CDC123: variants seen among roughly 807,000 people sequenced by gnomAD.
CDC123 encodes the protein translation initiation factor eIF2 assembly protein.
A neutral mutation model predicts 54.4 loss-of-function variants in CDC123; 37 were observed. The observed-to-expected ratio is 0.68, with a 90% CI of 0.52 to 0.89. CDC123 has a LOEUF of 0.89. Ranked by LOEUF, CDC123 falls within the 40% of genes least tolerant of loss-of-function variation. The pLI is 0.00. For missense variants in CDC123, 361 were observed against 412.1 expected (o/e 0.88, Z 1.07); for synonymous variants, 144 against 136.8 (o/e 1.05, Z -0.37).
chr10:12,211,598 G>A (rs12221133), intron 4 of CDC123, among the ~76,000 whole-genome samples: 37,600 of 152,072 alleles, frequency 0.25, 5,000 homozygotes, highest in East Asian at 0.53. Flanking sequence ...CACTAAACTA[G>A]ATTCCGTGAG....
At chr10:12,206,961 A>G (rs1011534805) in intron 2 of CDC123, among the ~76,000 whole-genome samples, 2 of 149,098 alleles carry the variant, frequency 1.3e-5, no homozygotes, top group African/African-American at 2.4e-5. Flanking sequence ...TCCATCTCAA[A>G]AAAAAAAAAA....
intron 12 of CDC123, chr10:12,250,073 G>T (rs1448148782): frequency 5.5e-5 from 26 of 476,744 alleles, no homozygotes; most frequent in African/African-American, 2.0e-5. Context: ...ATATTTTTGT[G>T]TGGATTTCTG....
chr10:12,210,448 G>A (rs1318483704), intron 4 of CDC123, 126 bp downstream of exon 4: 5 of 1,142,482 alleles, frequency 4.4e-6, no homozygotes, highest in South Asian at 1.9e-5. Context: ...TATTTTCCCT[G>A]TGGGCTGTCG....
intron 4 of CDC123, among the ~76,000 whole-genome samples, chr10:12,211,646 G>A (rs1312538727): frequency 1.3e-5 from 2 of 152,208 alleles, no homozygotes; most frequent in Non-Finnish European, 2.9e-5. Context: ...TCCACCATTA[G>A]GGGTTTGTAA....
chr10:12,237,477 C>A, intron 9 of CDC123: 2 of 303,106 alleles, frequency 6.6e-6, no homozygotes, highest in Non-Finnish European at 1.1e-5. Flanking sequence ...CTCTGTCAGC[C>A]AGGCTGGAGT....
At chr10:12,218,406 A>C (rs567178345) in intron 6 of CDC123, among the ~76,000 whole-genome samples, 1 of 151,724 alleles carries the variant, frequency 6.6e-6, no homozygotes, top group East Asian at 2.0e-4. Context: ...CACCCGGCTA[A>C]TTTTTTATAT....
intron 3 of CDC123, 127 bp downstream of exon 3, chr10:12,210,151 G>T: frequency 6.9e-7 from 1 of 1,438,948 alleles, no homozygotes; most frequent in South Asian, 1.2e-5. Context: ...ATCTTACTTT[G>T]ACATATATTT....
At chr10:12,207,088 T>G (rs1422991667) in intron 2 of CDC123, among the ~76,000 whole-genome samples, 1 of 152,204 alleles carries the variant, frequency 6.6e-6, no homozygotes, top group African/African-American at 2.4e-5. Context: ...ATTTTCCTGT[T>G]TCAGGATATT....
At chr10:12,233,875 TTATATC>T (rs929719464) in intron 7 of CDC123, among the ~76,000 whole-genome samples, 1 of 151,910 alleles carries the variant, frequency 6.6e-6, no homozygotes, top group Non-Finnish European at 1.5e-5. Flanking sequence ...ATATGAGAGT[TTATATC>T]TATTAAATAA....
rs762670290 is a variant in CDC123, at chr10:12,215,726, TTC to T, written c.238-6_238-5del. On this transcript the variant is annotated splice_polypyrimidine_tract_variant and intron_variant, in intron 4 of 12. Transcript: ENST00000281141. ...TGATATTGACGTGCCCAATGATTTCTTCTCTCTCTGTAGGCACCAGAATTTCC... is the reference window on the plus strand; with the variant it reads ...TGATATTGACGTGCCCAATGATTTCTTCTCTCTGTAGGCACCAGAATTTCC... The T allele has an allele frequency of 6.5e-6, 10 of 1,550,226 alleles. No individual in the cohort carries two copies. Among genetic ancestry groups the T allele is most frequent in the Middle Eastern group, 3.4e-4 (2 of 5,920 alleles).
intron 2 of CDC123, among the ~76,000 whole-genome samples, chr10:12,202,884 G>A (rs538844972): frequency 9.2e-5 from 14 of 152,206 alleles, no homozygotes; most frequent in African/African-American, 3.1e-4. Flanking sequence ...ACGTGGTGGC[G>A]CACTCCTGTA....
intron 6 of CDC123, among the ~76,000 whole-genome samples, chr10:12,227,243 G>A (rs973052890): frequency 1.3e-4 from 20 of 149,058 alleles, no homozygotes; most frequent in South Asian, 2.2e-4. Flanking sequence ...GAGGGAGACC[G>A]TGGAGAGAGA....
chr10:12,204,992 C>CACA (rs1491284091), intron 2 of CDC123, among the ~76,000 whole-genome samples: 7 of 64,480 alleles, frequency 1.1e-4, no homozygotes, highest in Non-Finnish European at 1.6e-4. Context: ...GACTCCATAT[C>CACA]AAAAAAAAAA....
intron 6 of CDC123, among the ~76,000 whole-genome samples, chr10:12,222,602 A>G (rs1223914039): frequency 6.6e-6 from 1 of 152,260 alleles, no homozygotes; most frequent in Non-Finnish European, 1.5e-5. Context: ...CAGTGGGCTG[A>G]GTAGACAAGA....
At chr10:12,219,085 G>A (rs990808587) in intron 6 of CDC123, among the ~76,000 whole-genome samples, 3 of 152,154 alleles carry the variant, frequency 2.0e-5, no homozygotes, top group Non-Finnish European at 2.9e-5. Flanking sequence ...CTGCCAGTTC[G>A]TTCCATGTCA....
intron 10 of CDC123, among the ~76,000 whole-genome samples, chr10:12,243,116 G>C (rs1029541497): frequency 7.4e-5 from 9 of 121,610 alleles, no homozygotes; most frequent in African/African-American, 2.3e-4. Flanking sequence ...AATGTGTTTT[G>C]GGCTGGGTAC....
rs777811401 is a variant in CDC123, at chr10:12,209,945, ATGTT to A, written c.147-14_147-11del. 45 of 1,613,248 alleles carry A rather than the reference ATGTT, an allele frequency of 2.8e-5. No homozygotes were observed. Among genetic ancestry groups the A allele is most frequent in the Middle Eastern group, 3.3e-4 (2 of 6,082 alleles). On this transcript the variant is annotated intron_variant, in intron 2 of 12. Coordinates refer to ENST00000281141, the MANE Select transcript of CDC123 (RefSeq NM_006023.3). ...GGTGCCCAAGTCCTTTTCTTTCTTG[ATGTT>A]TGTTTGTGTTTTTTTAGGGATGATC...
intron 6 of CDC123, among the ~76,000 whole-genome samples, chr10:12,225,533 A>G (rs1213871949): frequency 6.6e-6 from 1 of 152,158 alleles, no homozygotes; most frequent in Non-Finnish European, 1.5e-5. Flanking sequence ...GTGTTCTAGA[A>G]GCTCTGACAC....
intron 10 of CDC123, among the ~76,000 whole-genome samples, chr10:12,240,204 T>C (rs1160324248): frequency 6.6e-6 from 1 of 152,202 alleles, no homozygotes; most frequent in Non-Finnish European, 1.5e-5. Context: ...GAAGAATTAC[T>C]AGAGCAGAGA....
Sources: allele counts gnomAD v4.1 joint callset (sites outside exome capture counted in the v4.1 genomes callset), GRCh38; gene constraint gnomAD v4.1.1; transcripts MANE v1.5; gene names NCBI Gene and HGNC (gene_info 2026-07-23, HGNC 2026-07-21).